Variants in AHCYL2 observed in about 807,000 individuals in gnomAD.
AHCYL2 encodes the protein adenosylhomocysteinase like 2.
AHCYL2 carries 28 observed loss-of-function variants against 81.4 expected under a neutral mutation model. That is an observed-to-expected ratio of 0.34 (90% CI 0.25 to 0.47). The LOEUF (loss-of-function observed/expected upper bound fraction) is 0.47. AHCYL2 is among the 20% of genes least tolerant of loss of function. AHCYL2 has a pLI of 1.00. For synonymous variants in AHCYL2, 272 were observed against 290.2 expected (o/e 0.94, Z 0.64); for missense variants, 551 against 785.1 (o/e 0.70, Z 3.56).
intron 1 of AHCYL2, among the ~76,000 whole-genome samples, chr7:129,295,530 C>T (rs1158737426): frequency 6.6e-6 from 1 of 152,172 alleles, no homozygotes; most frequent in Non-Finnish European, 1.5e-5. Flanking sequence ...GAGACCCCAT[C>T]TAGTCATTAT....
intron 1 of AHCYL2, among the ~76,000 whole-genome samples, chr7:129,266,752 TG>T (rs1465946549): frequency 1.3e-5 from 2 of 152,204 alleles, no homozygotes; most frequent in African/African-American, 2.4e-5. Flanking sequence ...TACATACCTT[TG>T]GAGGATTATA....
At chr7:129,269,838 C>T (rs997313283) in intron 1 of AHCYL2, among the ~76,000 whole-genome samples, 2 of 152,168 alleles carry the variant, frequency 1.3e-5, no homozygotes, top group Non-Finnish European at 1.5e-5. Context: ...TCACTAAATG[C>T]ATAATATATG....
At position 129,336,213 on chromosome 7, in the gene AHCYL2, G is replaced by A. The variant is rs564079754; in HGVS notation, c.364-43425G>A. On this transcript the variant is annotated intron_variant, in intron 1 of 16. Coordinates refer to ENST00000325006, the MANE Select transcript of AHCYL2 (RefSeq NM_015328.4). ...CTCCCAAGTAACTGGGATTACAGGT[G>A]CATGCCACCATGCCTGGCTAATTTT... is the stretch of plus-strand genomic sequence containing the variant. Among the ~76,000 whole-genome samples the A allele has an allele frequency of 2.0e-5, 3 of 151,838 alleles. No homozygotes were observed. In the East Asian group the frequency reaches 5.8e-4, roughly 30 times the overall value.
chr7:129,383,497 ACTC>A (rs769278538), intron 2 of AHCYL2, among the ~76,000 whole-genome samples: 14 of 151,900 alleles, frequency 9.2e-5, no homozygotes, highest in Non-Finnish European at 1.8e-4. Context: ...TAAAAACTGA[ACTC>A]CTCAGTTCCA....
chr7:129,249,856 A>G (rs535278126), intron 1 of AHCYL2, among the ~76,000 whole-genome samples: 24 of 152,262 alleles, frequency 1.6e-4, no homozygotes, highest in African/African-American at 5.1e-4. Flanking sequence ...ACTTGGTATA[A>G]TGTTTTCAAG....
At chr7:129,396,594 C>T (rs1795754011) in intron 4 of AHCYL2, among the ~76,000 whole-genome samples, 2 of 151,326 alleles carry the variant, frequency 1.3e-5, no homozygotes, top group South Asian at 2.1e-4. Flanking sequence ...GGTAATTTTT[C>T]TGTATTTTTA....
chr7:129,385,300 A>G lies in AHCYL2; in HGVS notation c.476-3756A>G, dbSNP rs569434330. ...GTCCCTACTGTTATTTCCATTACCAAATGAATAGGTTAGGCCCAAGAGGAA... is the reference window on the plus strand; with the variant it reads ...GTCCCTACTGTTATTTCCATTACCAGATGAATAGGTTAGGCCCAAGAGGAA... On this transcript the variant is annotated intron_variant, in intron 2 of 16. Transcript: ENST00000325006. Among the ~76,000 whole-genome samples, 21 of 152,316 alleles carry G rather than the reference A, an allele frequency of 1.4e-4. No homozygotes were observed. The South Asian group carries it at 3.9e-3, about 29-fold the overall frequency.
At position 129,347,373 on chromosome 7, in the gene AHCYL2, A is replaced by G. The variant is rs374972768; in HGVS notation, c.364-32265A>G. On this transcript the variant is annotated intron_variant, in intron 1 of 16. Coordinates refer to ENST00000325006, the MANE Select transcript of AHCYL2 (RefSeq NM_015328.4). ...CAGGTTGTTGACAGTGGGGGAAACT[A>G]TGTCTTTGACGGGCAGAGGGTATAT... Among the ~76,000 whole-genome samples the G allele has an allele frequency of 1.4e-4, 22 of 152,306 alleles. No homozygotes were observed. The South Asian group carries it at 2.3e-3, about 16-fold the overall frequency.
chr7:129,308,618 A>G (rs76300978), intron 1 of AHCYL2, among the ~76,000 whole-genome samples: 131 of 152,344 alleles, frequency 8.6e-4, no homozygotes, highest in Non-Finnish European at 1.7e-3. Flanking sequence ...AGGGAGGATG[A>G]TCAGTGGAGA....
chr7:129,287,884 C>A (rs531500309), intron 1 of AHCYL2, among the ~76,000 whole-genome samples: 1 of 152,280 alleles, frequency 6.6e-6, no homozygotes, highest in East Asian at 1.9e-4. Context: ...GAATTCATGG[C>A]CACTTGTTTC....
intron 5 of AHCYL2, among the ~76,000 whole-genome samples, chr7:129,398,205 C>G (rs919628369): frequency 2.0e-5 from 3 of 151,152 alleles, no homozygotes; most frequent in Admixed American, 1.3e-4. Flanking sequence ...GACACAGGGT[C>G]TTGCTGTGTT....
intron 1 of AHCYL2, chr7:129,351,698 T>A (rs1157614078): frequency 6.6e-6 from 1 of 152,198 alleles, no homozygotes; most frequent in Non-Finnish European, 1.5e-5. Context: ...TCCACAAAGC[T>A]TTTGTTAATC....
intron 1 of AHCYL2, among the ~76,000 whole-genome samples, chr7:129,233,385 G>A (rs367984181): frequency 2.0e-5 from 3 of 152,154 alleles, no homozygotes; most frequent in South Asian, 4.2e-4. Context: ...ATCTTGCCAT[G>A]TTGCAGGTCT....
intron 1 of AHCYL2, among the ~76,000 whole-genome samples, chr7:129,349,464 C>G (rs541419995): frequency 8.8e-5 from 7 of 79,852 alleles, no homozygotes; most frequent in Admixed American, 6.7e-4. Flanking sequence ...AACCCCATCT[C>G]TACCAAAAAA....
rs748060912 is a variant in AHCYL2, at chr7:129,225,156, C to T, written c.80C>T (p.Ala27Val). The T allele has an allele frequency of 6.3e-7, 1 of 1,598,674 alleles. No individual in the cohort carries two copies. The highest frequency in any genetic ancestry group is 8.5e-7 in the Non-Finnish European group (1 of 1,174,768). ...CTGAAGGACCTGAGCCCCTCCGAGGCGGAGTCGCAACTAGGACTGAGCACG... is the reference window on the plus strand; with the variant it reads ...CTGAAGGACCTGAGCCCCTCCGAGGTGGAGTCGCAACTAGGACTGAGCACG... ...VELKDLSPSE[A>V]ESQLGLSTAA... is the part of the protein sequence containing the mutation. The change falls in exon 1 of 17, where the codon GCG becomes GTG. Residue 27 changes from alanine to valine, a missense_variant. By Grantham distance (64) the Ala-to-Val change is moderately conservative. Transcript: ENST00000325006.
chr7:129,427,163 C>A lies in AHCYL2; in HGVS notation c.*118C>A. 1 of 1,052,994 alleles carries A rather than the reference C, an allele frequency of 9.5e-7. No individual in the cohort carries two copies. The highest frequency in any genetic ancestry group is 1.4e-6 in the Non-Finnish European group (1 of 698,072). The allele number at this position is 1,052,994 out of a possible 1,614,324, so 65.2% of individuals were successfully genotyped here. A position where few individuals can be genotyped will look rare whatever the true frequency, so the allele number is the denominator to read the frequency against. ...CAATCAAAGCTGCCTGCCGTGCTCACCCTGTGTGTTAGGTTATTTATTTAT... is the reference window on the plus strand; with the variant it reads ...CAATCAAAGCTGCCTGCCGTGCTCAACCTGTGTGTTAGGTTATTTATTTAT... On this transcript the variant is annotated 3_prime_UTR_variant, in exon 17 of 17. Transcript: ENST00000325006. This position sits in a 1 kb window ranked among gnomAD's most constrained non-coding sequence, Gnocchi z 5.5.
chr7:129,364,437 C>T (rs1009445564), intron 1 of AHCYL2, among the ~76,000 whole-genome samples: 2 of 151,990 alleles, frequency 1.3e-5, no homozygotes, highest in African/African-American at 2.4e-5. Context: ...ATTTTAGGCA[C>T]GGGCCACTGC....
intron 1 of AHCYL2, among the ~76,000 whole-genome samples, chr7:129,336,071 CTTTTTT>C (rs11373631): frequency 8.4e-6 from 1 of 118,460 alleles, no homozygotes; most frequent in Non-Finnish European, 1.6e-5. Context: ...CTTTTCTTTC[CTTTTTT>C]TTTTTTTTTT....
chr7:129,321,761 TTTTGGTCTTGG>T (rs1798033896), intron 1 of AHCYL2, among the ~76,000 whole-genome samples: 6 of 143,050 alleles, frequency 4.2e-5, no homozygotes, highest in South Asian at 2.2e-4. Context: ...TTTTTTTTTT[TTTTGGTCTTGG>T]TTTTGTTTTT....
Sources: gnomAD v4.1 joint callset for allele counts (sites outside exome capture counted in the v4.1 genomes callset) on GRCh38, gnomAD v4.1.1 for gene constraint, Gnocchi (gnomAD v3.1) non-coding constraint, MANE v1.5 for transcripts, NCBI Gene and HGNC (gene_info 2026-07-23, HGNC 2026-07-21) for gene names.